Variants in GMDS observed in about 807,000 individuals in gnomAD.
GMDS encodes the protein GDP-mannose 4,6 dehydratase.
Under a neutral mutation model 49.9 loss-of-function variants are expected in GMDS, and 20 were observed. That is an observed-to-expected ratio of 0.40 (90% confidence interval 0.28 to 0.58). The LOEUF is 0.58. Ranked by LOEUF, GMDS falls within the 20% of genes least tolerant of loss-of-function variation. The pLI is 0.42. For synonymous variants in GMDS, 177 were observed against 178.6 expected (o/e 0.99, Z 0.07); for missense variants, 362 against 481.4 (o/e 0.75, Z 2.32).
chr6:1,731,244 G>C (rs756447161), intron 8 of GMDS, among the ~76,000 whole-genome samples: 4 of 152,204 alleles, frequency 2.6e-5, no homozygotes, highest in African/African-American at 9.7e-5. Flanking sequence ...GAACATTAGA[G>C]TGCCTCAGGG....
intron 4 of GMDS, among the ~76,000 whole-genome samples, chr6:2,062,599 A>G: frequency 6.6e-6 from 1 of 152,182 alleles, no homozygotes; most frequent in Non-Finnish European, 1.5e-5. Context: ...TGGCTGGTAA[A>G]ATTTTAAGGC....
chr6:1,942,795 T>C (rs1762881488), intron 6 of GMDS, among the ~76,000 whole-genome samples: 2 of 152,208 alleles, frequency 1.3e-5, no homozygotes, highest in Non-Finnish European at 1.5e-5. Context: ...AGCGCTATCT[T>C]CAATTATTTC....
chr6:1,813,240 A>C (rs867503294), intron 7 of GMDS, among the ~76,000 whole-genome samples: 3 of 151,440 alleles, frequency 2.0e-5, no homozygotes, highest in Admixed American at 6.6e-5. Flanking sequence ...AAAAAAAAAA[A>C]AAAAAAAACC....
At chr6:2,158,838 T>C (rs960624400) in intron 1 of GMDS, among the ~76,000 whole-genome samples, 4 of 152,230 alleles carry the variant, frequency 2.6e-5, no homozygotes, top group African/African-American at 9.6e-5. Flanking sequence ...CTCCCCACAG[T>C]GTCCACGGTG....
intron 1 of GMDS, among the ~76,000 whole-genome samples, chr6:2,232,519 CAAA>C (rs1453381214): frequency 6.6e-6 from 1 of 152,186 alleles, no homozygotes; most frequent in African/African-American, 2.4e-5. Flanking sequence ...TAGAGGACTT[CAAA>C]ACTGGTTTGT....
chr6:1,655,274 C>T (rs548485595), intron 9 of GMDS, among the ~76,000 whole-genome samples: 4 of 151,992 alleles, frequency 2.6e-5, no homozygotes, highest in South Asian at 2.1e-4. Context: ...GGTTACATCA[C>T]GGGAACTGGG....
intron 1 of GMDS, among the ~76,000 whole-genome samples, chr6:2,143,219 A>G (rs1392627855): frequency 6.6e-6 from 1 of 152,202 alleles, no homozygotes; most frequent in African/African-American, 2.4e-5. Flanking sequence ...GATGATGTCT[A>G]CAACTTTTAT....
At chr6:2,193,500 GGT>G (rs1417534875) in intron 1 of GMDS, among the ~76,000 whole-genome samples, 63 of 152,226 alleles carry the variant, frequency 4.1e-4, no homozygotes, top group Admixed American at 3.1e-3. Context: ...TAGGCAGCAG[GGT>G]CTCCACATCT....
intron 7 of GMDS, among the ~76,000 whole-genome samples, chr6:1,796,783 G>T (rs1441644897): frequency 6.6e-6 from 1 of 152,188 alleles, no homozygotes; most frequent in African/African-American, 2.4e-5. Flanking sequence ...CAGAGAACAA[G>T]CTTCTTCCTT....
chr6:1,843,643 C>T (rs981839756), intron 7 of GMDS, among the ~76,000 whole-genome samples: 1 of 152,118 alleles, frequency 6.6e-6, no homozygotes. Flanking sequence ...TGGCACGCAC[C>T]TGTAGTCCCA....
chr6:1,998,402 G>C (rs1275762550), intron 4 of GMDS, among the ~76,000 whole-genome samples: 1 of 151,800 alleles, frequency 6.6e-6, no homozygotes, highest in Non-Finnish European at 1.5e-5. Context: ...GGAAGGAAAA[G>C]GAGGGAAGAA....
intron 4 of GMDS, among the ~76,000 whole-genome samples, chr6:1,982,057 C>A (rs1489460780): frequency 6.6e-6 from 1 of 152,164 alleles, no homozygotes; most frequent in East Asian, 1.9e-4. Context: ...GTAATCCAGG[C>A]ACTTTGGGAG....
chr6:1,822,984 A>G (rs1426502740), intron 7 of GMDS, among the ~76,000 whole-genome samples: 1 of 152,204 alleles, frequency 6.6e-6, no homozygotes, highest in South Asian at 2.1e-4. Flanking sequence ...GTATGGTGAA[A>G]ATACTATAAA....
intron 4 of GMDS, among the ~76,000 whole-genome samples, chr6:2,016,063 T>C (rs1239002829): frequency 2.4e-5 from 2 of 82,850 alleles, no homozygotes; most frequent in Non-Finnish European, 5.1e-5. Context: ...CAAAACCCTG[T>C]TTCTAAAAAA....
chr6:1,799,963 T>G (rs1339305396), intron 7 of GMDS, among the ~76,000 whole-genome samples: 1 of 152,180 alleles, frequency 6.6e-6, no homozygotes, highest in Non-Finnish European at 1.5e-5. Flanking sequence ...CATACCTTAA[T>G]GTCTTTTTTT....
At chr6:1,861,641 A>C (rs1281320443) in intron 7 of GMDS, among the ~76,000 whole-genome samples, 4 of 152,054 alleles carry the variant, frequency 2.6e-5, no homozygotes, top group African/African-American at 9.7e-5. Context: ...AAGAAAAAAA[A>C]ATGCGAAAAG....
intron 1 of GMDS, among the ~76,000 whole-genome samples, chr6:2,241,470 T>C (rs189027658): frequency 6.6e-6 from 1 of 152,182 alleles, no homozygotes; most frequent in South Asian, 2.1e-4. Flanking sequence ...GTTTGGATCT[T>C]TGACCCCTCC....
chr6:1,673,851 G>A (rs1214434680), intron 9 of GMDS, among the ~76,000 whole-genome samples: 1 of 151,774 alleles, frequency 6.6e-6, no homozygotes, highest in African/African-American at 2.4e-5. Context: ...GTTCCTCCAT[G>A]GCCTTTCATG....
intron 4 of GMDS, among the ~76,000 whole-genome samples, chr6:1,965,859 G>A (rs936931451): frequency 4.0e-5 from 6 of 151,712 alleles, no homozygotes; most frequent in Non-Finnish European, 7.4e-5. Context: ...AAAAAAGAAA[G>A]AGAGAGAGAG....
Sources: allele counts gnomAD v4.1 joint callset (sites outside exome capture counted in the v4.1 genomes callset), GRCh38; gene constraint gnomAD v4.1.1; transcripts MANE v1.5; gene names NCBI Gene and HGNC (gene_info 2026-07-23, HGNC 2026-07-21).